The following DPP6 variants were observed in gnomAD, a reference collection of about 807,000 sequenced individuals.
DPP6 encodes the protein A-type potassium channel modulatory protein DPP6.
DPP6 carries 69 observed loss-of-function variants against 122.6 expected under a neutral mutation model. The ratio of observed to expected loss-of-function variants is 0.56; its 90% CI spans 0.46 to 0.69. DPP6 has a LOEUF of 0.69. Among genes scored for constraint, DPP6 ranks in the 30% least tolerant of loss-of-function variants. DPP6 has a pLI of 0.00. For missense variants in DPP6, 928 were observed against 1,116.9 expected (o/e 0.83, Z 2.41); for synonymous variants, 418 against 433.1 (o/e 0.97, Z 0.43).
chr7:154,678,231 G>A (rs1839044083), intron 7 of DPP6, among the ~76,000 whole-genome samples: 3 of 152,194 alleles, frequency 2.0e-5, no homozygotes, highest in African/African-American at 4.8e-5. Context: ...GGCCACCGCC[G>A]CCCAACAGCT....
At chr7:154,792,201 TCGCC>T (rs1797725557) in intron 10 of DPP6, among the ~76,000 whole-genome samples, 1 of 152,246 alleles carries the variant, frequency 6.6e-6, no homozygotes, top group African/African-American at 2.4e-5. Context: ...CCCTGTGGCT[TCGCC>T]ACTGCCCCCA....
chr7:153,790,320 T>C, the DPP6 span, among the ~76,000 whole-genome samples: 2 of 150,666 alleles, frequency 1.3e-5, no homozygotes, highest in Admixed American at 6.6e-5. Flanking sequence ...ATGGGAAAAA[T>C]AACTACTAAA....
chr7:154,778,967 C>CACCACCACCACCACA (rs1796790299), intron 10 of DPP6, among the ~76,000 whole-genome samples: 1 of 142,582 alleles, frequency 7.0e-6, no homozygotes, highest in Admixed American at 6.9e-5. Context: ...CCATCACCTC[C>CACCACCACCACCACA]GCTACCACCA....
Position 154,624,007 on chromosome 7 carries a change from G to A in DPP6, c.628-13814G>A, listed in dbSNP as rs562247219. 2.0e-5 allele frequency among the ~76,000 whole-genome samples: 3 copies of A among 151,870 alleles called. No homozygotes were observed. The highest frequency in any genetic ancestry group is 6.6e-5 in the Admixed American group (1 of 15,244). ...TGAGGAATTCGAGACCAGCCTGGCC[G>A]ACATGGTGAAACCCCATCTCTACTA... On this transcript the variant is annotated intron_variant, in intron 5 of 25. Coordinates refer to ENST00000377770, the MANE Select transcript of DPP6 (RefSeq NM_130797.4). This position sits in a 1 kb window ranked among gnomAD's most constrained non-coding sequence, Gnocchi z 4.7.
intron 5 of DPP6, among the ~76,000 whole-genome samples, chr7:154,622,197 C>T (rs954797395): frequency 3.3e-5 from 5 of 152,184 alleles, no homozygotes; most frequent in Non-Finnish European, 7.3e-5. Context: ...TTATTAATAG[C>T]ACCACTTTCA....
At chr7:154,642,611 A>C (rs10271586) in intron 6 of DPP6, among the ~76,000 whole-genome samples, 23,230 of 148,040 alleles carry the variant, frequency 0.16, 2,102 homozygotes, top group African/African-American at 0.27. Flanking sequence ...CAAAACAAAA[A>C]AATTAGTGCC....
rs572726859 is a variant in DPP6, at chr7:154,688,925, G to A, written c.762+19484G>A. 1.4e-3 allele frequency among the ~76,000 whole-genome samples: 216 copies of A among 152,284 alleles called. 4 individuals are homozygous for A. The highest frequency in any genetic ancestry group is 0.014 in the Middle Eastern group (4 of 294). Reference sequence around the variant, plus strand: ...ACAGCTGGTTAATAGAATTGCACTTGACATTTTCTATTGATTTTGCATCCA... The same window carrying A: ...ACAGCTGGTTAATAGAATTGCACTTAACATTTTCTATTGATTTTGCATCCA... On this transcript the variant is annotated intron_variant, in intron 7 of 25. Transcript: ENST00000377770.
At chr7:154,333,788 G>A (rs970844406) in intron 1 of DPP6, among the ~76,000 whole-genome samples, 1 of 152,146 alleles carries the variant, frequency 6.6e-6, no homozygotes, top group African/African-American at 2.4e-5. Flanking sequence ...ACCAATATCT[G>A]ACTTTATGTA....
chr7:153,889,073 C>T (rs371827947), intron 1 of DPP6, among the ~76,000 whole-genome samples: 56 of 152,256 alleles, frequency 3.7e-4, no homozygotes, highest in African/African-American at 1.3e-3. Flanking sequence ...TGACTCTGGA[C>T]GGAGGTGTGA....
At chr7:154,075,024 A>G (rs888662754) in intron 1 of DPP6, among the ~76,000 whole-genome samples, 76 of 152,034 alleles carry the variant, frequency 5.0e-4, no homozygotes, top group Non-Finnish European at 9.0e-4. Context: ...AAAAGAAGGT[A>G]TACAAATGGC....
At chr7:154,587,601 A>G (rs1832540353) in intron 5 of DPP6, 2 of 1,506,402 alleles carry the variant, frequency 1.3e-6, no homozygotes, top group Non-Finnish European at 1.8e-6. Flanking sequence ...GGACCATAGA[A>G]ATGGAATTGA....
At chr7:153,807,518 G>A in the DPP6 span, among the ~76,000 whole-genome samples, 2 of 151,900 alleles carry the variant, frequency 1.3e-5, no homozygotes, top group Non-Finnish European at 2.9e-5. Context: ...GCAAGGCATC[G>A]TAGAAAAATA....
intron 1 of DPP6, among the ~76,000 whole-genome samples, chr7:153,889,085 T>C (rs926486014): frequency 6.6e-6 from 1 of 151,942 alleles, no homozygotes; most frequent in Non-Finnish European, 1.5e-5. Flanking sequence ...GAGGTGTGAG[T>C]CTCTGGGTTC....
chr7:154,523,978 G>A (rs1311754234), intron 3 of DPP6, among the ~76,000 whole-genome samples: 1 of 152,106 alleles, frequency 6.6e-6, no homozygotes, highest in Admixed American at 6.5e-5. Flanking sequence ...CAAGTTTTAC[G>A]ACAGGGGCTA....
intron 1 of DPP6, among the ~76,000 whole-genome samples, chr7:154,408,528 C>T (rs555311180): frequency 6.6e-6 from 1 of 152,186 alleles, no homozygotes; most frequent in East Asian, 1.9e-4. Flanking sequence ...CTTATTTACC[C>T]CTTACACAAT....
At chr7:154,467,657 G>A (rs566476111) in intron 2 of DPP6, among the ~76,000 whole-genome samples, 5 of 152,198 alleles carry the variant, frequency 3.3e-5, no homozygotes, top group Admixed American at 2.0e-4. Context: ...CTAATACAGC[G>A]TCCAACAGCC....
At chr7:154,107,688 T>C (rs1426142406) in intron 1 of DPP6, among the ~76,000 whole-genome samples, 1 of 152,232 alleles carries the variant, frequency 6.6e-6, no homozygotes, top group Admixed American at 6.5e-5. Context: ...CATGAATATA[T>C]GTAATTATTA....
intron 1 of DPP6, among the ~76,000 whole-genome samples, chr7:154,172,596 T>G (rs1797590202): frequency 2.0e-5 from 3 of 146,598 alleles, no homozygotes; most frequent in African/African-American, 5.2e-5. Flanking sequence ...TTCTAAAGTC[T>G]TTTTTTTTCT....
intron 2 of DPP6, among the ~76,000 whole-genome samples, chr7:154,450,515 A>G (rs1586308543): frequency 6.6e-6 from 1 of 151,806 alleles, no homozygotes; most frequent in East Asian, 1.9e-4. Flanking sequence ...TGCCAGACAT[A>G]CTAAATTGCC....
Sources: gnomAD v4.1 joint callset for allele counts (sites outside exome capture counted in the v4.1 genomes callset) on GRCh38, gnomAD v4.1.1 for gene constraint, Gnocchi (gnomAD v3.1) non-coding constraint, MANE v1.5 for transcripts, NCBI Gene and HGNC (gene_info 2026-07-23, HGNC 2026-07-21) for gene names.